Variants in SMAD2 observed in about 807,000 individuals in gnomAD.
SMAD2 encodes the protein SMAD family member 2.
SMAD2 carries 8 observed loss-of-function variants against 64.4 expected under a neutral mutation model. That is an observed-to-expected ratio of 0.12 (90% CI 0.07 to 0.22). The LOEUF (loss-of-function observed/expected upper bound fraction) is 0.22, where lower values mean the gene tolerates loss of function less well. Among genes scored for constraint, SMAD2 ranks in the 10% least tolerant of loss-of-function variants. The pLI is 1.00. For missense variants in SMAD2, 289 were observed against 561.2 expected (o/e 0.51, Z 4.90); for synonymous variants, 203 against 195.8 (o/e 1.04, Z -0.31).
At chr18:47,891,374 CAT>C (rs1185988153) in intron 2 of SMAD2, among the ~76,000 whole-genome samples, 3 of 152,148 alleles carry the variant, frequency 2.0e-5, no homozygotes, top group East Asian at 3.9e-4. Context: ...TGGAAGGACA[CAT>C]GAGGAACTAG....
chr18:47,837,561 CA>C lies in SMAD2; in HGVS notation c.*4265del, dbSNP rs59129117. ...TGGGCAACAGAGCGAGACTCCCTCT[CA>C]AAAAAAAAAAAAAAAAACAAAAAAC... On this transcript the variant is annotated 3_prime_UTR_variant, in exon 11 of 11. Coordinates refer to ENST00000262160, the MANE Select transcript of SMAD2 (RefSeq NM_005901.6). 0.099 allele frequency: 15,236 copies of C among 153,524 alleles called. 440 individuals are homozygous for C. Among genetic ancestry groups the C allele is most frequent in the African/African-American group, 0.18 (5,028 of 28,388 alleles). The allele number at this position is 153,524 out of a possible 1,614,324, so 9.5% of individuals were successfully genotyped here.
At chr18:47,879,250 C>T (rs1296359431) in intron 2 of SMAD2, among the ~76,000 whole-genome samples, 2 of 152,084 alleles carry the variant, frequency 1.3e-5, no homozygotes, top group Non-Finnish European at 2.9e-5. Flanking sequence ...TTAATGGTAC[C>T]ATTTGAGTTT....
rs556329752 is a variant in SMAD2 at position 47,881,733 on chromosome 18, C to T, written c.237-11169G>A. Reference sequence around the variant, plus strand: ...TTAGTGTTTCTTAAATACCTTTTATCAGACTGAGAAAGTCTCTTTGTTTCT... The same window carrying T: ...TTAGTGTTTCTTAAATACCTTTTATTAGACTGAGAAAGTCTCTTTGTTTCT... On this transcript the variant is annotated intron_variant, in intron 2 of 10. Transcript: ENST00000262160. Among the ~76,000 whole-genome samples the T allele has an allele frequency of 7.3e-4, 111 of 152,282 alleles. 5 individuals carry two copies. The South Asian group carries it at 0.023, about 31-fold the overall frequency.
chr18:47,893,237 A>G lies in SMAD2; in HGVS notation c.236+3284T>C, dbSNP rs567282789. 9.8e-5 allele frequency among the ~76,000 whole-genome samples: 15 copies of G among 152,366 alleles called. No homozygotes were observed. In the East Asian group the frequency reaches 1.9e-3, roughly 20 times the overall value. ...GGAAGGGAGCGACAGTGACGTATCT[A>G]TAACTACAGCTTTTAAACTGCCAGA... On this transcript the variant is annotated intron_variant, in intron 2 of 10. Coordinates refer to ENST00000262160, the MANE Select transcript of SMAD2 (RefSeq NM_005901.6).
rs189399427 is a variant in SMAD2, at chr18:47,837,419, G to A, written c.*4408C>T. 3.2e-3 allele frequency: 637 copies of A among 197,482 alleles called. 3 individuals are homozygous for A. Among genetic ancestry groups the A allele is most frequent in the Non-Finnish European group, 4.5e-3 (426 of 95,582 alleles). 12.2% of individuals were successfully genotyped at this position (197,482 alleles called of 1,614,324 possible). On this transcript the variant is annotated 3_prime_UTR_variant, in exon 11 of 11. Coordinates refer to ENST00000262160, the MANE Select transcript of SMAD2 (RefSeq NM_005901.6). ...CTACTAAAAATACAAAAAATTAGCC[G>A]AGTGTGGTGGTGGGCGCCTGTAGTC...
At chr18:47,855,274 T>C (rs1343515065) in intron 6 of SMAD2, among the ~76,000 whole-genome samples, 3 of 152,226 alleles carry the variant, frequency 2.0e-5, no homozygotes, top group Non-Finnish European at 4.4e-5. Context: ...AACATCTTGG[T>C]TGCTTCCAAG....
chr18:47,884,989 T>C (rs1028516172), intron 2 of SMAD2, among the ~76,000 whole-genome samples: 2 of 152,164 alleles, frequency 1.3e-5, no homozygotes, highest in East Asian at 3.8e-4. Flanking sequence ...AAGATTTAAA[T>C]ATCAATTCTA....
intron 1 of SMAD2, among the ~76,000 whole-genome samples, chr18:47,922,942 T>C (rs530496965): frequency 3.3e-5 from 5 of 152,338 alleles, no homozygotes; most frequent in African/African-American, 1.2e-4. Context: ...AACATTCATG[T>C]GTTCAACTTT....
chr18:47,861,920 T>C (rs566790978), intron 6 of SMAD2, among the ~76,000 whole-genome samples: 2 of 152,342 alleles, frequency 1.3e-5, no homozygotes, highest in African/African-American at 2.4e-5. Flanking sequence ...AATGCTATTA[T>C]TGTCCCTATT....
At chr18:47,844,764 AAAT>A (rs1176545180) in intron 10 of SMAD2, 3 of 154,772 alleles carry the variant, frequency 1.9e-5, no homozygotes, top group African/African-American at 7.2e-5. Flanking sequence ...TTGACAACAG[AAAT>A]AATAATTTTT....
At chr18:47,918,719 C>T (rs1411573498) in intron 1 of SMAD2, among the ~76,000 whole-genome samples, 3 of 137,598 alleles carry the variant, frequency 2.2e-5, no homozygotes, top group Non-Finnish European at 3.1e-5. Context: ...ATTCAGAGAA[C>T]TTAACAGCTC....
Position 47,869,152 on chromosome 18 carries a change from C to G in SMAD2, c.520+91G>C, listed in dbSNP as rs1002282057. The G allele has an allele frequency of 1.3e-5, 12 of 903,656 alleles. No homozygotes were observed. The East Asian group carries it at 2.8e-4, about 21-fold the overall frequency. The allele number at this position is 903,656 out of a possible 1,614,324, so 56.0% of individuals were successfully genotyped here. ...TTAAGGTAATTTATTAGAATTTACACTAAAATTTTCCTGGGTCACAAGAGT... is the reference window on the plus strand; with the variant it reads ...TTAAGGTAATTTATTAGAATTTACAGTAAAATTTTCCTGGGTCACAAGAGT... On this transcript the variant is annotated intron_variant, in intron 4 of 10. Transcript: ENST00000262160.
At chr18:47,924,047 G>A (rs1380791796) in intron 1 of SMAD2, among the ~76,000 whole-genome samples, 1 of 152,028 alleles carries the variant, frequency 6.6e-6, no homozygotes, top group Non-Finnish European at 1.5e-5. Context: ...TCAGGAGTTC[G>A]AGACCAGCCT....
intron 2 of SMAD2, among the ~76,000 whole-genome samples, chr18:47,876,484 C>G (rs965710992): frequency 2.0e-5 from 3 of 151,978 alleles, no homozygotes; most frequent in African/African-American, 7.2e-5. Flanking sequence ...ACAGATTATC[C>G]CCCATCAACT....
chr18:47,913,390 CAT>C (rs1182764770), intron 1 of SMAD2, among the ~76,000 whole-genome samples: 1 of 152,200 alleles, frequency 6.6e-6, no homozygotes, highest in African/African-American at 2.4e-5. Context: ...GGTATTGCCA[CAT>C]GATTTCAGTG....
rs1162008155 is a variant in SMAD2, at chr18:47,829,878, A to C, written c.*11949T>G. The C allele has an allele frequency of 6.6e-6, 1 of 152,236 alleles. No individual in the cohort carries two copies. Among genetic ancestry groups the C allele is most frequent in the Non-Finnish European group, 1.5e-5 (1 of 68,040 alleles). 9.4% of individuals were successfully genotyped at this position (152,236 alleles called of 1,614,324 possible). A position where few individuals can be genotyped will look rare whatever the true frequency, so the allele number is the denominator to read the frequency against. ...GAAAATAATGACTAAGCTAACAACCAAACTTTCAGAGTATAAAATTTTGTC... is the reference window on the plus strand; with the variant it reads ...GAAAATAATGACTAAGCTAACAACCCAACTTTCAGAGTATAAAATTTTGTC... On this transcript the variant is annotated 3_prime_UTR_variant, in exon 11 of 11. Coordinates refer to ENST00000262160, the MANE Select transcript of SMAD2 (RefSeq NM_005901.6).
chr18:47,849,404 T>A (rs1914860316), intron 7 of SMAD2, among the ~76,000 whole-genome samples: 1 of 151,810 alleles, frequency 6.6e-6, no homozygotes, highest in Non-Finnish European at 1.5e-5. Flanking sequence ...GTAGAATAAA[T>A]TCCAAACATG....
At chr18:47,920,510 G>C (rs1425483883) in intron 1 of SMAD2, among the ~76,000 whole-genome samples, 1 of 152,176 alleles carries the variant, frequency 6.6e-6, no homozygotes, top group Non-Finnish European at 1.5e-5. Flanking sequence ...TATCATACTG[G>C]ACAGAGCAAC....
chr18:47,838,634 T>C lies in SMAD2; in HGVS notation c.*3193A>G, dbSNP rs1008290106. The C allele has an allele frequency of 4.3e-6, 1 of 232,994 alleles. No homozygotes were observed. The highest frequency in any genetic ancestry group is 5.6e-5 in the Admixed American group (1 of 17,780). 14.4% of individuals were successfully genotyped at this position (232,994 alleles called of 1,614,324 possible). The stretch of plus-strand genomic sequence containing the variant: ...CAGAAGGTAGGCCTAAATCCAGTTA[T>C]ATTTTTCTAATCGTTGACCAGTGGT... On this transcript the variant is annotated 3_prime_UTR_variant, in exon 11 of 11. Transcript: ENST00000262160.
Sources: allele counts gnomAD v4.1 joint callset (sites outside exome capture counted in the v4.1 genomes callset), GRCh38; gene constraint gnomAD v4.1.1; transcripts MANE v1.5; gene names NCBI Gene and HGNC (gene_info 2026-07-23, HGNC 2026-07-21).